Variants in FRMD5 observed in about 807,000 individuals in gnomAD.
FRMD5 encodes FERM domain containing 5.
Under a neutral mutation model 69.0 loss-of-function variants are expected in FRMD5, and 20 were observed. That is an observed-to-expected ratio of 0.29 (90% CI 0.20 to 0.42). The LOEUF is 0.42. FRMD5 is among the 10% of genes least tolerant of loss of function. FRMD5 has a pLI of 1.00. For synonymous variants in FRMD5, 271 were observed against 260.1 expected (o/e 1.04, Z -0.40); for missense variants, 595 against 708.6 (o/e 0.84, Z 1.82).
At chr15:44,154,617 T>G (rs778342533) in intron 1 of FRMD5, among the ~76,000 whole-genome samples, 1 of 152,260 alleles carries the variant, frequency 6.6e-6, no homozygotes, top group Non-Finnish European at 1.5e-5. Context: ...CTGTTTTCCC[T>G]GCAAAGCAGG....
intron 1 of FRMD5, among the ~76,000 whole-genome samples, chr15:44,183,254 G>GA (rs942381640): frequency 2.6e-5 from 4 of 152,100 alleles, no homozygotes; most frequent in African/African-American, 9.7e-5. Flanking sequence ...CTGGAAAGGG[G>GA]GGTAGCAGAG....
At position 44,111,598 on chromosome 15, in the gene FRMD5, A is replaced by C. The variant is rs533403766; in HGVS notation, c.102+83355T>G. On this transcript the variant is annotated intron_variant, in intron 1 of 13. Coordinates refer to ENST00000417257, the MANE Select transcript of FRMD5 (RefSeq NM_032892.5). ...GAAAAAGGACTCATAACTTTCTCTC[A>C]ACTCCAAAACATTTAAAGTTGTTCT... is the stretch of plus-strand genomic sequence containing the variant. 4.6e-5 allele frequency among the ~76,000 whole-genome samples: 7 copies of C among 152,358 alleles called. No homozygotes were observed. In the South Asian group the frequency reaches 1.4e-3, roughly 32 times the overall value.
At chr15:43,876,980 C>T (rs960395017) in intron 13 of FRMD5, among the ~76,000 whole-genome samples, 1 of 152,196 alleles carries the variant, frequency 6.6e-6, no homozygotes, top group African/African-American at 2.4e-5. Context: ...GACTCAAGCC[C>T]TGGCAGGGAA....
intron 1 of FRMD5, among the ~76,000 whole-genome samples, chr15:44,060,728 A>T (rs906458316): frequency 6.6e-6 from 1 of 152,218 alleles, no homozygotes; most frequent in East Asian, 1.9e-4. Context: ...TAAAAAAAGA[A>T]AAGGTGAGAA....
chr15:44,124,801 T>G (rs2077003748), intron 1 of FRMD5, among the ~76,000 whole-genome samples: 1 of 152,126 alleles, frequency 6.6e-6, no homozygotes, highest in Non-Finnish European at 1.5e-5. Flanking sequence ...AGAGAACGGT[T>G]ATAAAAATTA....
intron 1 of FRMD5, among the ~76,000 whole-genome samples, chr15:44,131,828 CCAA>C (rs2140421090): frequency 5.9e-5 from 1 of 16,940 alleles, no homozygotes; most frequent in African/African-American, 7.8e-5. Context: ...GCAGTGGTCC[CCAA>C]CATTTTTGAC....
intron 1 of FRMD5, among the ~76,000 whole-genome samples, chr15:44,088,909 C>T (rs1162081126): frequency 6.6e-6 from 1 of 152,220 alleles, no homozygotes; most frequent in Non-Finnish European, 1.5e-5. Context: ...AGCCCCTAAA[C>T]TGTTAAGCTC....
At position 44,141,356 on chromosome 15, in the gene FRMD5, G is replaced by C. The variant is rs559674196; in HGVS notation, c.102+53597C>G. Reference sequence around the variant, plus strand: ...AAATAATTAAAAGAGTGTGATACTAGCCCAGGGGTAGACAAACAGATCAAT... The same window carrying C: ...AAATAATTAAAAGAGTGTGATACTACCCCAGGGGTAGACAAACAGATCAAT... On this transcript the variant is annotated intron_variant, in intron 1 of 13. Coordinates refer to ENST00000417257, the MANE Select transcript of FRMD5 (RefSeq NM_032892.5). 2.0e-5 allele frequency among the ~76,000 whole-genome samples: 3 copies of C among 152,172 alleles called. No homozygotes were observed. The South Asian group carries it at 6.2e-4, about 32-fold the overall frequency.
chr15:43,914,898 T>C (rs1257870209), intron 4 of FRMD5, among the ~76,000 whole-genome samples: 2 of 151,978 alleles, frequency 1.3e-5, no homozygotes, highest in African/African-American at 4.8e-5. Context: ...GCCAATTTTT[T>C]GTAGTTTTAG....
At chr15:43,998,932 G>C (rs537771110) in intron 1 of FRMD5, among the ~76,000 whole-genome samples, 1 of 152,290 alleles carries the variant, frequency 6.6e-6, no homozygotes, top group Non-Finnish European at 1.5e-5. Context: ...GGAACAACCT[G>C]CTGGCAAGCA....
chr15:43,931,396 C>T (rs1436380238), intron 1 of FRMD5, among the ~76,000 whole-genome samples: 14 of 152,014 alleles, frequency 9.2e-5, no homozygotes, highest in Admixed American at 9.2e-4. Context: ...TCTCTCTTCT[C>T]TTTCTCTCTC....
At chr15:43,914,749 T>G (rs967353355) in intron 4 of FRMD5, among the ~76,000 whole-genome samples, 6 of 145,150 alleles carry the variant, frequency 4.1e-5, no homozygotes, top group African/African-American at 1.3e-4. Context: ...TTTTTTGAGA[T>G]GGAGTCTTGC....
intron 1 of FRMD5, among the ~76,000 whole-genome samples, chr15:44,069,620 G>C (rs1407148150): frequency 6.6e-6 from 1 of 152,136 alleles, no homozygotes; most frequent in Non-Finnish European, 1.5e-5. Context: ...CTAAATTATA[G>C]AAATGGGGAA....
intron 1 of FRMD5, among the ~76,000 whole-genome samples, chr15:44,132,695 C>G (rs2077119339): frequency 6.6e-6 from 1 of 152,044 alleles, no homozygotes; most frequent in African/African-American, 2.4e-5. Flanking sequence ...TCCCAAAGTG[C>G]TGGACTTACA....
intron 7 of FRMD5, among the ~76,000 whole-genome samples, chr15:43,898,157 T>C (rs1477461757): frequency 6.6e-6 from 1 of 152,216 alleles, no homozygotes; most frequent in Non-Finnish European, 1.5e-5. Flanking sequence ...TGAGTTGTGC[T>C]TAGTTCCTAA....
intron 1 of FRMD5, among the ~76,000 whole-genome samples, chr15:44,047,568 TTTA>T (rs1892483886): frequency 6.6e-6 from 1 of 152,072 alleles, no homozygotes; most frequent in African/African-American, 2.4e-5. Flanking sequence ...CAAAAATGGA[TTTA>T]TTGAGATATA....
Position 44,018,638 on chromosome 15 carries a change from G to C in FRMD5, c.103-94329C>G, listed in dbSNP as rs533146340. On this transcript the variant is annotated intron_variant, in intron 1 of 13. Transcript: ENST00000417257. ...CCTAAGAATTCTAGTCTGACTCAAGGAGTGAGACAAAGTGTACAGGGCAGG... is the reference window on the plus strand; with the variant it reads ...CCTAAGAATTCTAGTCTGACTCAAGCAGTGAGACAAAGTGTACAGGGCAGG... Among the ~76,000 whole-genome samples the C allele has an allele frequency of 7.2e-5, 11 of 152,252 alleles. 1 individual carries two copies. The South Asian group carries it at 2.1e-3, about 29-fold the overall frequency.
chr15:43,893,750 T>C (rs1233409435), intron 7 of FRMD5, among the ~76,000 whole-genome samples: 1 of 152,130 alleles, frequency 6.6e-6, no homozygotes, highest in Admixed American at 6.5e-5. Flanking sequence ...TCTCCTGGCC[T>C]CTCTGCTTTC....
chr15:43,877,896 TA>T (rs1198606603), intron 13 of FRMD5, among the ~76,000 whole-genome samples: 2 of 152,238 alleles, frequency 1.3e-5, no homozygotes. Flanking sequence ...TCATATCTAT[TA>T]AGTCCTCATG....
Sources: allele counts gnomAD v4.1 joint callset (sites outside exome capture counted in the v4.1 genomes callset), GRCh38; gene constraint gnomAD v4.1.1; transcripts MANE v1.5; gene names NCBI Gene and HGNC (gene_info 2026-07-23, HGNC 2026-07-21).